FBXO16: variants seen among roughly 807,000 people sequenced by gnomAD.
FBXO16 encodes F-box protein 16.
A neutral mutation model predicts 41.0 loss-of-function variants in FBXO16; 31 were observed. The ratio of observed to expected loss-of-function variants is 0.76; its 90% CI spans 0.57 to 1.02. FBXO16 has a LOEUF of 1.02. FBXO16 is among the 50% of genes least tolerant of loss of function. FBXO16 has a pLI of 0.00. For missense variants in FBXO16, 361 were observed against 346.2 expected (o/e 1.04, Z -0.34); for synonymous variants, 133 against 117.8 (o/e 1.13, Z -0.84).
intron 1 of FBXO16, among the ~76,000 whole-genome samples, chr8:28,487,342 T>C (rs774936698): frequency 3.3e-5 from 5 of 151,720 alleles, no homozygotes; most frequent in Non-Finnish European, 7.4e-5. Context: ...TATATTTGCA[T>C]GCACATACAT....
At chr8:28,453,595 T>C (rs1357200124) in intron 5 of FBXO16, among the ~76,000 whole-genome samples, 3 of 151,898 alleles carry the variant, frequency 2.0e-5, no homozygotes, top group Non-Finnish European at 1.5e-5. Flanking sequence ...TTTTTGTTAA[T>C]TAAGAGATTA....
intron 2 of FBXO16, among the ~76,000 whole-genome samples, chr8:28,474,487 C>T (rs930621309): frequency 2.0e-5 from 3 of 151,424 alleles, no homozygotes; most frequent in African/African-American, 7.3e-5. Context: ...AAAAAACTAA[C>T]GAAAAAACAG....
At chr8:28,484,616 G>C (rs760368732) in intron 1 of FBXO16, among the ~76,000 whole-genome samples, 1 of 152,190 alleles carries the variant, frequency 6.6e-6, no homozygotes, top group Non-Finnish European at 1.5e-5. Context: ...TTTTGAGACA[G>C]AGTCTCGCTC....
At chr8:28,475,173 A>G (rs1046838131) in intron 2 of FBXO16, among the ~76,000 whole-genome samples, 1 of 152,088 alleles carries the variant, frequency 6.6e-6, no homozygotes, top group Non-Finnish European at 1.5e-5. Context: ...TTCTCTTTTT[A>G]TGGAAGAGGC....
Position 28,460,223 on chromosome 8 carries a change from G to GTATATATA in FBXO16, c.343-3294_343-3293insTATATATA, listed in dbSNP as rs1408340610. 1.8e-3 allele frequency among the ~76,000 whole-genome samples: 161 copies of GTATATATA among 89,734 alleles called. 1 individual carries two copies. Among genetic ancestry groups the GTATATATA allele is most frequent in the East Asian group, 5.3e-3 (13 of 2,440 alleles). 58.9% of individuals were successfully genotyped at this position (89,734 alleles called of 152,430 possible). Reference sequence around the variant, plus strand: ...CATACAGTAACAAATATATATGTGTGTGTATATATATATATATATATATTT... The same window carrying GTATATATA: ...CATACAGTAACAAATATATATGTGTGTATATATATGTATATATATATATATATATATTT... On this transcript the variant is annotated intron_variant, in intron 4 of 8. Coordinates refer to ENST00000380254, the MANE Select transcript of FBXO16 (RefSeq NM_172366.4).
chr8:28,465,539 C>T (rs757473588), intron 3 of FBXO16: 18 of 329,718 alleles, frequency 5.5e-5, no homozygotes, highest in Non-Finnish European at 1.1e-4. Context: ...TGCTTGAGCC[C>T]AGGTGGTGGA....
At chr8:28,468,909 C>T (rs1243739638) in intron 3 of FBXO16, among the ~76,000 whole-genome samples, 1 of 151,728 alleles carries the variant, frequency 6.6e-6, no homozygotes, top group East Asian at 1.9e-4. Flanking sequence ...AAATGAAAAG[C>T]TTCTTTAACA....
intron 3 of FBXO16, among the ~76,000 whole-genome samples, chr8:28,467,497 G>A (rs943359199): frequency 6.6e-6 from 1 of 152,198 alleles, no homozygotes; most frequent in Non-Finnish European, 1.5e-5. Flanking sequence ...ATTCCTAATA[G>A]AGTGCATGAC....
intron 7 of FBXO16, among the ~76,000 whole-genome samples, chr8:28,441,952 T>A (rs1162379010): frequency 5.9e-4 from 78 of 131,694 alleles, no homozygotes; most frequent in African/African-American, 2.3e-3. Context: ...GTGTATTTTT[T>A]TTTTTTTTTT....
intron 7 of FBXO16, among the ~76,000 whole-genome samples, chr8:28,432,029 C>T (rs1343500631): frequency 4.0e-5 from 6 of 151,670 alleles, no homozygotes; most frequent in African/African-American, 7.3e-5. Context: ...AGACATAAAA[C>T]GCAAATGTAC....
intron 1 of FBXO16, among the ~76,000 whole-genome samples, chr8:28,485,276 G>A (rs1288970258): frequency 6.6e-6 from 1 of 152,096 alleles, no homozygotes; most frequent in African/African-American, 2.4e-5. Context: ...AGGTTCAAGC[G>A]CTTCTCCTGG....
chr8:28,472,432 G>A lies in FBXO16; in HGVS notation c.135+1340C>T, dbSNP rs140066218. On this transcript the variant is annotated intron_variant, in intron 3 of 8. Transcript: ENST00000380254. Reference sequence around the variant, plus strand: ...CACCTTTCTGTGCTCTACTTTGTGAGCATAGAAGGCAGGATCTCTTGGGCT... The same window carrying A: ...CACCTTTCTGTGCTCTACTTTGTGAACATAGAAGGCAGGATCTCTTGGGCT... Among the ~76,000 whole-genome samples the A allele has an allele frequency of 3.0e-3, 457 of 152,212 alleles. 1 individual carries two copies. Among genetic ancestry groups the A allele is most frequent in the African/African-American group, 9.1e-3 (376 of 41,530 alleles).
chr8:28,473,909 G>T lies in FBXO16; in HGVS notation c.100-102C>A, dbSNP rs909310451. 8.1e-6 allele frequency: 7 copies of T among 862,792 alleles called. No individual in the cohort carries two copies. In the African/African-American group the frequency reaches 1.1e-4, roughly 13 times the overall value. 53.4% of individuals were successfully genotyped at this position (862,792 alleles called of 1,614,324 possible). A position where few individuals can be genotyped will look rare whatever the true frequency, so the allele number is the denominator to read the frequency against. On this transcript the variant is annotated intron_variant, in intron 2 of 8. Transcript: ENST00000380254. The stretch of plus-strand genomic sequence containing the variant: ...AGGGATCGGTGAATAAACATTCATT[G>T]TATCAACTGAATATTAAAAGGCAGA...
rs377367222 is a variant in FBXO16, at chr8:28,452,233, G to C, written c.740+11C>G. ...AAACGAAGAAGTTGAGAAGAGCATG[G>C]AGCTTCTTACCCTTGCTGGACAGTC... On this transcript the variant is annotated intron_variant, in intron 6 of 8. Transcript: ENST00000380254. 1 of 1,608,224 alleles carries C rather than the reference G, an allele frequency of 6.2e-7. No homozygotes were observed. Among genetic ancestry groups the C allele is most frequent in the Admixed American group, 1.7e-5 (1 of 59,562 alleles).
chr8:28,433,401 C>A (rs1403185194), intron 7 of FBXO16, among the ~76,000 whole-genome samples: 1 of 152,222 alleles, frequency 6.6e-6, no homozygotes, highest in Non-Finnish European at 1.5e-5. Flanking sequence ...CCTGCTGTTC[C>A]CCTGGGCTCC....
chr8:28,469,096 G>A (rs1318016369), intron 3 of FBXO16, among the ~76,000 whole-genome samples: 1 of 151,810 alleles, frequency 6.6e-6, no homozygotes, highest in Non-Finnish European at 1.5e-5. Flanking sequence ...ATCACCTGAG[G>A]TCAGGAGTTC....
rs1356811272 is a variant in FBXO16, at chr8:28,428,744, G to C, written c.870-8C>G. ...GCTGGCACTTAGGGACATCTAGAAA[G>C]GAAAAAGGAATCATGAAAGCGAGGG... On this transcript the variant is annotated splice_polypyrimidine_tract_variant and splice_region_variant and intron_variant, in intron 8 of 8. Transcript: ENST00000380254. 1 of 1,512,434 alleles carries C rather than the reference G, an allele frequency of 6.6e-7. No homozygotes were observed. Among genetic ancestry groups the C allele is most frequent in the Admixed American group, 2.4e-5 (1 of 40,900 alleles). The allele number at this position is 1,512,434 out of a possible 1,614,324, so 93.7% of individuals were successfully genotyped here.
At chr8:28,434,582 T>C (rs1802659038) in intron 7 of FBXO16, among the ~76,000 whole-genome samples, 1 of 152,252 alleles carries the variant, frequency 6.6e-6, no homozygotes, top group Admixed American at 6.5e-5. Flanking sequence ...TTACCACATC[T>C]TCACTTTTTG....
chr8:28,469,779 T>C lies in FBXO16; in HGVS notation c.135+3993A>G, dbSNP rs1563367595. Among the ~76,000 whole-genome samples the C allele has an allele frequency of 1.3e-5, 2 of 152,052 alleles. 1 individual carries two copies. Among genetic ancestry groups the C allele is most frequent in the Non-Finnish European group, 2.9e-5 (2 of 68,018 alleles). On this transcript the variant is annotated intron_variant, in intron 3 of 8. Coordinates refer to ENST00000380254, the MANE Select transcript of FBXO16 (RefSeq NM_172366.4). Reference sequence around the variant, plus strand: ...AGCTGGGCATGATGGCGCACACCTGTAATCCCAGCTACTCAGGAGGCTGAG... The same window carrying C: ...AGCTGGGCATGATGGCGCACACCTGCAATCCCAGCTACTCAGGAGGCTGAG...
Sources: allele counts gnomAD v4.1 joint callset (sites outside exome capture counted in the v4.1 genomes callset), GRCh38; gene constraint gnomAD v4.1.1; transcripts MANE v1.5; gene names NCBI Gene and HGNC (gene_info 2026-07-23, HGNC 2026-07-21).